The following FBLN1 variants were observed in gnomAD, a reference collection of about 807,000 sequenced individuals.
FBLN1 encodes fibulin 1, also known as fibulin-1.
In FBLN1, 34 loss-of-function variants were observed where a neutral mutation model predicts 89.7. That is an observed-to-expected ratio of 0.38 (90% CI 0.29 to 0.50). FBLN1 has a LOEUF of 0.50. Among genes scored for constraint, FBLN1 ranks in the 20% least tolerant of loss-of-function variants. FBLN1 has a pLI of 0.92. For synonymous variants in FBLN1, 393 were observed against 391.3 expected, an observed-to-expected ratio of 1.00 and a Z score of -0.05; for missense variants, 777 against 988.1, an observed-to-expected ratio of 0.79 and a Z score of 2.86.
In FBLN1 at chr22:45,563,361, G is replaced by C; in HGVS notation, c.1698-11150G>C. On this transcript the variant is annotated intron_variant, in intron 14 of 16. Transcript: ENST00000327858. The surrounding 1 kb of genome is among the most constrained non-coding windows in gnomAD (Gnocchi z 5.7). ...AGTCTTAGCAAGCGTCCCACACAGTGAGCCTCGCGTGCCTTGGTTTTATTT... is the reference window on the plus strand; with the variant it reads ...AGTCTTAGCAAGCGTCCCACACAGTCAGCCTCGCGTGCCTTGGTTTTATTT... 6.3e-7 allele frequency: 1 copy of C among 1,580,942 alleles called. No homozygotes were observed. The highest frequency in any genetic ancestry group is 8.6e-7 in the Non-Finnish European group (1 of 1,168,422).
chr22:45,570,319 C>CAAAAAAAAAAA (rs761469854), intron 14 of FBLN1, among the ~76,000 whole-genome samples: 17 of 36,372 alleles, frequency 4.7e-4, no homozygotes, highest in Admixed American at 7.2e-4. Flanking sequence ...GACTCTGTCT[C>CAAAAAAAAAAA]AAAAAAAAAA....
chr22:45,505,856 C>T (rs751474248), intron 1 of FBLN1, among the ~76,000 whole-genome samples: 2 of 152,150 alleles, frequency 1.3e-5, no homozygotes, highest in Non-Finnish European at 2.9e-5. Context: ...ACTGCAACCT[C>T]CGCCTCCCGA....
At chr22:45,504,617 C>T (rs1182501692) in intron 1 of FBLN1, among the ~76,000 whole-genome samples, 2 of 152,110 alleles carry the variant, frequency 1.3e-5, no homozygotes, top group African/African-American at 4.8e-5. Flanking sequence ...AAGCTGAGGG[C>T]CTGAGAGAAG....
In FBLN1 at chr22:45,597,280, C is replaced by T. The variant is rs866487045; in HGVS notation, c.1973-3027C>T. On this transcript the variant is annotated intron_variant, in intron 16 of 16. Coordinates refer to ENST00000327858, the MANE Select transcript of FBLN1 (RefSeq NM_006486.3). This position sits in a 1 kb window ranked among gnomAD's most constrained non-coding sequence, Gnocchi z 4.2. ...CCTCCCAAAGTGCTGGGATTACAAG[C>T]GTGAGCCACTGCACCCAGCTGAAAC... Among the ~76,000 whole-genome samples the T allele has an allele frequency of 1.3e-5, 2 of 152,148 alleles. No homozygotes were observed. Among genetic ancestry groups the T allele is most frequent in the Non-Finnish European group, 2.9e-5 (2 of 68,038 alleles).
chr22:45,540,652 A>T (rs556673629), intron 8 of FBLN1, among the ~76,000 whole-genome samples: 2 of 152,276 alleles, frequency 1.3e-5, no homozygotes, highest in African/African-American at 4.8e-5. Flanking sequence ...CCTGTGTAGC[A>T]TGGCCCTCCT....
chr22:45,529,988 C>G (rs2882551), intron 4 of FBLN1, among the ~76,000 whole-genome samples: 23,536 of 152,082 alleles, frequency 0.15, 2,387 homozygotes, highest in African/African-American at 0.29. Context: ...TGACACGGAA[C>G]CTTTCACTTC....
Position 45,584,276 on chromosome 22 carries a change from C to CT in FBLN1, c.1972+7169dup. Among the ~76,000 whole-genome samples the CT allele has an allele frequency of 3.3e-5, 5 of 152,314 alleles. 1 individual carries two copies. In the East Asian group the frequency reaches 9.7e-4, roughly 29 times the overall value. ...TGTCTGTGCTGAGTCGTGGGAGCCT[C>CT]TGAGTTTTGCCAGTGTGTCAACGCG... is the stretch of plus-strand genomic sequence containing the variant. On this transcript the variant is annotated intron_variant, in intron 16 of 16. Transcript: ENST00000327858.
intron 16 of FBLN1, among the ~76,000 whole-genome samples, chr22:45,586,966 T>C (rs2089092365): frequency 6.6e-6 from 1 of 152,138 alleles, no homozygotes; most frequent in African/African-American, 2.4e-5. Context: ...GTCCCTATTC[T>C]GGGACCTTGA....
chr22:45,564,989 CT>C, intron 14 of FBLN1: 1 of 1,613,880 alleles, frequency 6.2e-7, no homozygotes, highest in Non-Finnish European at 8.5e-7. Flanking sequence ...ACCTTGATGC[CT>C]AGTGAGGAAG....
intron 1 of FBLN1, among the ~76,000 whole-genome samples, chr22:45,505,394 AG>A (rs2088005285): frequency 6.6e-6 from 1 of 152,194 alleles, no homozygotes; most frequent in Non-Finnish European, 1.5e-5. Context: ...GGTGGGGGCC[AG>A]GGCACTGAAT....
chr22:45,559,366 G>A (rs897572302), intron 14 of FBLN1, among the ~76,000 whole-genome samples: 5 of 152,156 alleles, frequency 3.3e-5, no homozygotes, highest in East Asian at 1.9e-4. Flanking sequence ...TCACCACCCC[G>A]CGTCTCAAGT....
At position 45,568,672 on chromosome 22, in the gene FBLN1, T is replaced by TGACTTGTCTCA. The variant is rs1255460051; in HGVS notation, c.1698-5838_1698-5837insACTTGTCTCAG. Among the ~76,000 whole-genome samples the TGACTTGTCTCA allele has an allele frequency of 5.6e-4, 47 of 84,458 alleles. 1 individual carries two copies. The highest frequency in any genetic ancestry group is 7.7e-4 in the South Asian group (2 of 2,614). The allele number at this position is 84,458 out of a possible 152,430, so 55.4% of individuals were successfully genotyped here. A position where few individuals can be genotyped will look rare whatever the true frequency, so the allele number is the denominator to read the frequency against. ...GGAGAATGCTCCTTCTGTAGGGGAA[T>TGACTTGTCTCA]GCCTCTTCTGTAGGGGAATGCTCCT... On this transcript the variant is annotated intron_variant, in intron 14 of 16. Transcript: ENST00000327858.
rs554615433 is a variant in FBLN1, at chr22:45,546,442, C to T, written c.1322-643C>T. Among the ~76,000 whole-genome samples, 6 of 152,334 alleles carry T rather than the reference C, an allele frequency of 3.9e-5. No individual in the cohort carries two copies. The East Asian group carries it at 1.2e-3, about 29-fold the overall frequency. Reference sequence around the variant, plus strand: ...TGCTGGCCAGGCTGGTCTCGAACCCCTGACCTCGTGATCCGCCCACCTCGG... The same window carrying T: ...TGCTGGCCAGGCTGGTCTCGAACCCTTGACCTCGTGATCCGCCCACCTCGG... On this transcript the variant is annotated intron_variant, in intron 11 of 16. Transcript: ENST00000327858.
rs527949452 is a variant in FBLN1, at chr22:45,576,698, C to T, written c.1841-279C>T. The stretch of plus-strand genomic sequence containing the variant: ...ATGCACAGTGACTGATGACTTCTCA[C>T]CAGCCCTTCCTCTGATTAGCTCTGT... On this transcript the variant is annotated intron_variant, in intron 15 of 16. Transcript: ENST00000327858. The surrounding 1 kb of genome is among the most constrained non-coding windows in gnomAD (Gnocchi z 5.2). 6.6e-6 allele frequency among the ~76,000 whole-genome samples: 1 copy of T among 152,314 alleles called. No individual in the cohort carries two copies. The highest frequency in any genetic ancestry group is 2.1e-4 in the South Asian group (1 of 4,822).
intron 2 of FBLN1, among the ~76,000 whole-genome samples, chr22:45,524,024 C>T (rs116307399): frequency 0.01 from 1,548 of 152,262 alleles, 25 homozygotes; most frequent in African/African-American, 0.032. Context: ...AGTGAAACGC[C>T]GTTATTTGCA....
chr22:45,552,362 G>A (rs568233541), intron 14 of FBLN1, among the ~76,000 whole-genome samples: 1 of 152,182 alleles, frequency 6.6e-6, no homozygotes, highest in Admixed American at 6.5e-5. Flanking sequence ...CCTGTGTGCT[G>A]TGCAGTAAGG....
rs9626375 is a variant in FBLN1, at chr22:45,545,563, A to G, written c.1322-1522A>G. Among the ~76,000 whole-genome samples, 54,223 of 152,060 alleles carry G rather than the reference A, an allele frequency of 0.36. 10,382 individuals are homozygous for G. Among genetic ancestry groups the G allele is most frequent in the Middle Eastern group, 0.51 (151 of 294 alleles). ...TGGATATAGAACCAGAGCCTGGCCA[A>G]CCTTGCTATGTGACCTTACTAACCA... is the stretch of plus-strand genomic sequence containing the variant. On this transcript the variant is annotated intron_variant, in intron 11 of 16. Transcript: ENST00000327858. The surrounding 1 kb of genome is among the most constrained non-coding windows in gnomAD (Gnocchi z 5.9).
At chr22:45,541,461 C>A in intron 9 of FBLN1, 89 bp downstream of exon 9, 1 of 1,536,442 alleles carries the variant, frequency 6.5e-7, no homozygotes, top group South Asian at 1.2e-5. Flanking sequence ...AAGTTGATCC[C>A]CAAAGCAAAG....
intron 1 of FBLN1, chr22:45,517,266 G>A (rs1294970632): frequency 3.5e-6 from 1 of 284,546 alleles, no homozygotes; most frequent in Non-Finnish European, 6.9e-6. Flanking sequence ...GCCCAGTTTT[G>A]TAACATCCTG....
Sources: allele counts gnomAD v4.1 joint callset (sites outside exome capture counted in the v4.1 genomes callset), GRCh38; gene constraint gnomAD v4.1.1; non-coding constraint Gnocchi (gnomAD v3.1); transcripts MANE v1.5; gene names NCBI Gene and HGNC (gene_info 2026-07-23, HGNC 2026-07-21).